RASA3: variants seen among roughly 807,000 people sequenced by gnomAD.
RASA3 encodes ras GTPase-activating protein 3.
Under a neutral mutation model 110.0 loss-of-function variants are expected in RASA3, and 73 were observed. That is an observed-to-expected ratio of 0.66 (90% CI 0.55 to 0.81). The LOEUF (loss-of-function observed/expected upper bound fraction) is 0.81, where lower values mean the gene tolerates loss of function less well. RASA3 is among the 30% of genes least tolerant of loss of function. The pLI, the probability that RASA3 is intolerant of heterozygous loss-of-function variation, is 0.00. For missense variants in RASA3, 976 were observed against 1,113.2 expected (o/e 0.88, Z 1.75); for synonymous variants, 500 against 451.4 (o/e 1.11, Z -1.37).
In RASA3 at chr13:114,011,041, G is replaced by A. The variant is rs2053627280; in HGVS notation, c.1590+130C>T. ...GGTCCTGGGTTTCAAGAGAGGATGT[G>A]GTGCCGGCTTTGATTCTTGATCTTT... On this transcript the variant is annotated intron_variant, in intron 16 of 23. Coordinates refer to ENST00000334062, the MANE Select transcript of RASA3 (RefSeq NM_007368.4). The surrounding 1 kb of genome is among the most constrained non-coding windows in gnomAD (Gnocchi z 4.8). The A allele has an allele frequency of 1.2e-6, 1 of 866,552 alleles. No individual in the cohort carries two copies. Among genetic ancestry groups the A allele is most frequent in the African/African-American group, 1.7e-5 (1 of 59,790 alleles). 53.7% of individuals were successfully genotyped at this position (866,552 alleles called of 1,614,324 possible). A position where few individuals can be genotyped will look rare whatever the true frequency, so the allele number is the denominator to read the frequency against.
intron 1 of RASA3, among the ~76,000 whole-genome samples, chr13:114,080,427 G>A (rs371575758): frequency 6.6e-6 from 1 of 152,162 alleles, no homozygotes; most frequent in Non-Finnish European, 1.5e-5. Context: ...TCTGCCTGTC[G>A]TCCAGTCTCC....
At chr13:113,999,186 C>T (rs759854494) in intron 20 of RASA3, among the ~76,000 whole-genome samples, 3 of 152,166 alleles carry the variant, frequency 2.0e-5, no homozygotes, top group Non-Finnish European at 2.9e-5. Context: ...TTGTTCTACT[C>T]GTGCAACTTC....
chr13:114,076,485 CCACACGCAG>C (rs1180924200), intron 1 of RASA3, among the ~76,000 whole-genome samples: 5 of 151,988 alleles, frequency 3.3e-5, no homozygotes, highest in Admixed American at 6.5e-5. Context: ...TGTGAAGATC[CCACACGCAG>C]CACACGCACA....
intron 18 of RASA3, among the ~76,000 whole-genome samples, chr13:114,001,179 C>G (rs1279520034): frequency 6.6e-6 from 1 of 152,254 alleles, no homozygotes; most frequent in African/African-American, 2.4e-5. Context: ...ATCTCCAACC[C>G]TCCTGCCTCC....
intron 3 of RASA3, among the ~76,000 whole-genome samples, chr13:114,045,521 C>T (rs758603262): frequency 3.9e-5 from 6 of 152,112 alleles, no homozygotes; most frequent in African/African-American, 1.2e-4. Context: ...GGCTGAAATG[C>T]GCGCGCCTCC....
intron 7 of RASA3, among the ~76,000 whole-genome samples, chr13:114,025,126 GC>G (rs1323179581): frequency 2.0e-5 from 3 of 152,146 alleles, no homozygotes; most frequent in Non-Finnish European, 4.4e-5. Flanking sequence ...CTCCCTCCCT[GC>G]CCCCCCTTCT....
intron 19 of RASA3, among the ~76,000 whole-genome samples, chr13:114,000,095 G>A (rs1332711032): frequency 5.5e-5 from 7 of 126,500 alleles, no homozygotes; most frequent in Non-Finnish European, 8.4e-5. Flanking sequence ...TCTGCTGGGC[G>A]GTCTCTGTTG....
intron 19 of RASA3, among the ~76,000 whole-genome samples, chr13:114,000,515 G>A (rs1407100059): frequency 6.6e-6 from 1 of 152,174 alleles, no homozygotes; most frequent in East Asian, 1.9e-4. Flanking sequence ...GCGGCACCCT[G>A]GCCATGACGA....
chr13:114,015,186 A>G (rs1002635562), intron 14 of RASA3, 23 bp downstream of exon 14: 4 of 1,612,320 alleles, frequency 2.5e-6, no homozygotes, highest in Non-Finnish European at 3.4e-6. Flanking sequence ...TCTCAGCAAC[A>G]TGAGGGTGTT....
intron 1 of RASA3, among the ~76,000 whole-genome samples, chr13:114,080,132 G>T (rs781568017): frequency 2.0e-5 from 3 of 152,194 alleles, no homozygotes; most frequent in Admixed American, 6.5e-5. Flanking sequence ...GGCAGAGGCC[G>T]CTGGGCTTGG....
At chr13:114,054,740 A>G (rs1480100422) in intron 2 of RASA3, among the ~76,000 whole-genome samples, 1 of 152,270 alleles carries the variant, frequency 6.6e-6, no homozygotes, top group Non-Finnish European at 1.5e-5. Flanking sequence ...TTATCTTTCA[A>G]TGAAGGCAGA....
In RASA3 at chr13:114,112,105, C is replaced by CA. The variant is rs1555343917; in HGVS notation, c.55+20329_55+20330insT. Among the ~76,000 whole-genome samples, 1 of 151,740 alleles carries CA rather than the reference C, an allele frequency of 6.6e-6. No individual in the cohort carries two copies. Among genetic ancestry groups the CA allele is most frequent in the African/African-American group, 2.4e-5 (1 of 41,348 alleles). On this transcript the variant is annotated intron_variant, in intron 1 of 23. Transcript: ENST00000334062. The surrounding 1 kb of genome is among the most constrained non-coding windows in gnomAD (Gnocchi z 4.8). ...GAAACAGCAGCCCCCAGGCACCCCC[C>CA]CCAGCAACTGGGACAAGGGCACACC...
chr13:114,073,950 G>A, intron 1 of RASA3, 113 bp from the exon 2 acceptor site: 2 of 972,556 alleles, frequency 2.1e-6, no homozygotes, highest in Non-Finnish European at 3.3e-6. Context: ...TCTCTATAAA[G>A]CCTTGGTTTT....
chr13:114,009,223 G>A (rs1566471497), intron 17 of RASA3, among the ~76,000 whole-genome samples, 164 bp downstream of exon 17: 1 of 152,220 alleles, frequency 6.6e-6, no homozygotes, highest in Non-Finnish European at 1.5e-5. Context: ...CCCAGGACTT[G>A]GGACAAGGCT....
intron 7 of RASA3, among the ~76,000 whole-genome samples, chr13:114,025,103 C>T (rs1234489096): frequency 6.6e-6 from 1 of 152,196 alleles, no homozygotes; most frequent in African/African-American, 2.4e-5. Context: ...AGAAGGGCTC[C>T]GTCCTGCCCG....
intron 22 of RASA3, 40 bp from the exon 23 acceptor site, chr13:113,981,898 GGC>G (rs1330745845): frequency 1.3e-6 from 2 of 1,583,510 alleles, no homozygotes; most frequent in Non-Finnish European, 1.7e-6. Flanking sequence ...CAGGAGCCCA[GGC>G]CACCGGCCCC....
chr13:114,031,507 CCTGT>C (rs1480436598), intron 4 of RASA3, among the ~76,000 whole-genome samples: 2 of 148,270 alleles, frequency 1.3e-5, no homozygotes, highest in African/African-American at 5.1e-5. Flanking sequence ...ACTGTGTCTG[CCTGT>C]CTGTGCGCGT....
intron 1 of RASA3, among the ~76,000 whole-genome samples, chr13:114,078,896 A>C (rs1187712450): frequency 1.3e-5 from 2 of 152,196 alleles, no homozygotes; most frequent in Non-Finnish European, 2.9e-5. Context: ...ACCCGGAGCC[A>C]CACCCCTGTA....
intron 1 of RASA3, among the ~76,000 whole-genome samples, chr13:114,116,452 G>C (rs1486944713): frequency 6.6e-6 from 1 of 152,032 alleles, no homozygotes; most frequent in Non-Finnish European, 1.5e-5. Context: ...CTGGGAAAGG[G>C]GAAACTGGTG....
Sources: gnomAD v4.1 joint callset for allele counts (sites outside exome capture counted in the v4.1 genomes callset) on GRCh38, gnomAD v4.1.1 for gene constraint, Gnocchi (gnomAD v3.1) non-coding constraint, MANE v1.5 for transcripts, NCBI Gene and HGNC (gene_info 2026-07-23, HGNC 2026-07-21) for gene names.